CCDC169: variants seen among roughly 807,000 people sequenced by gnomAD.
CCDC169 encodes coiled-coil domain-containing protein 169.
A neutral mutation model predicts 36.0 loss-of-function variants in CCDC169; 30 were observed. The observed-to-expected ratio is 0.83, with a 90% CI of 0.62 to 1.13. The LOEUF (loss-of-function observed/expected upper bound fraction) is 1.13. CCDC169 is among the 50% of genes most tolerant of loss of function. CCDC169 has a pLI of 0.00. For synonymous variants in CCDC169, 85 were observed against 81.5 expected (o/e 1.04, Z -0.23); for missense variants, 245 against 245.9 (o/e 1.00, Z 0.03).
At chr13:36,267,993 G>A (rs771793959) in intron 4 of CCDC169, among the ~76,000 whole-genome samples, 6 of 151,962 alleles carry the variant, frequency 3.9e-5, no homozygotes, top group Non-Finnish European at 5.9e-5. Flanking sequence ...ATTACTACTA[G>A]ATCTAAGAAA....
At chr13:36,273,386 G>A (rs1306349426) in intron 4 of CCDC169, among the ~76,000 whole-genome samples, 2 of 152,046 alleles carry the variant, frequency 1.3e-5, no homozygotes, top group African/African-American at 4.8e-5. Context: ...TTTTATACAT[G>A]GGAAGAATAT....
At chr13:36,259,661 A>G (rs1174621053) in intron 4 of CCDC169, among the ~76,000 whole-genome samples, 1 of 152,174 alleles carries the variant, frequency 6.6e-6, no homozygotes, top group African/African-American at 2.4e-5. Context: ...GTTACACTCT[A>G]TGCAAATGAA....
intron 7 of CCDC169, among the ~76,000 whole-genome samples, chr13:36,246,294 C>G (rs1664989479): frequency 2.0e-5 from 3 of 152,174 alleles, no homozygotes; most frequent in Admixed American, 1.3e-4. Context: ...AACAGTTAAG[C>G]CAAGGCATAA....
intron 1 of CCDC169, among the ~76,000 whole-genome samples, chr13:36,296,887 A>T (rs1879565071): frequency 6.6e-6 from 1 of 152,222 alleles, no homozygotes; most frequent in Admixed American, 6.5e-5. Context: ...AAGATTGCAT[A>T]GTTACTGAGT....
intron 4 of CCDC169, among the ~76,000 whole-genome samples, chr13:36,255,891 C>G (rs541173482): frequency 6.6e-6 from 1 of 152,202 alleles, no homozygotes; most frequent in Admixed American, 6.5e-5. Flanking sequence ...TCCCCATTCA[C>G]TGCCAAGTCC....
intron 7 of CCDC169, among the ~76,000 whole-genome samples, chr13:36,246,308 C>A (rs1465092359): frequency 1.3e-5 from 2 of 152,142 alleles, no homozygotes; most frequent in African/African-American, 2.4e-5. Context: ...GGCATAAATG[C>A]AAAGGGAAGA....
rs927131722 is a variant in CCDC169 at position 36,273,821 on chromosome 13, C to T, written c.315+9648G>A. ...GCAGCTTCATAGCAGTTGTGGTCTT[C>T]GTGCCTTGTCCTTCGTTCTTTCTTC... is the stretch of plus-strand genomic sequence containing the variant. On this transcript the variant is annotated intron_variant, in intron 4 of 7. Transcript: ENST00000239859. Among the ~76,000 whole-genome samples, 5 of 152,162 alleles carry T rather than the reference C, an allele frequency of 3.3e-5. No homozygotes were observed. In the South Asian group the frequency reaches 8.3e-4, roughly 25 times the overall value.
At chr13:36,237,550 G>A (rs1871243510) in intron 7 of CCDC169, among the ~76,000 whole-genome samples, 2 of 152,156 alleles carry the variant, frequency 1.3e-5, no homozygotes, top group South Asian at 4.1e-4. Context: ...TTCATCAGCT[G>A]ATGATTCGGT....
At chr13:36,254,396 C>A (rs1157540624) in intron 4 of CCDC169, among the ~76,000 whole-genome samples, 1 of 151,714 alleles carries the variant, frequency 6.6e-6, no homozygotes, top group Non-Finnish European at 1.5e-5. Context: ...CTGCCTCAGG[C>A]TCCCAAGTAG....
intron 4 of CCDC169, among the ~76,000 whole-genome samples, chr13:36,267,564 C>A (rs1034001875): frequency 6.6e-6 from 1 of 152,022 alleles, no homozygotes; most frequent in Non-Finnish European, 1.5e-5. Context: ...AAAAAACTAT[C>A]TAGGTAACAA....
intron 6 of CCDC169, 40 bp downstream of exon 6, chr13:36,253,763 A>G (rs940960264): frequency 3.3e-6 from 5 of 1,526,530 alleles, no homozygotes; most frequent in African/African-American, 2.8e-5. Context: ...AATTTACAGT[A>G]AGAAGAAACA....
At chr13:36,249,906 A>G (rs528325234) in intron 6 of CCDC169, among the ~76,000 whole-genome samples, 68 of 152,274 alleles carry the variant, frequency 4.5e-4, no homozygotes, top group African/African-American at 1.6e-3. Flanking sequence ...ATATTAGATC[A>G]TTTGATATGA....
At chr13:36,281,054 G>A (rs538857952) in intron 4 of CCDC169, 37 of 307,330 alleles carry the variant, frequency 1.2e-4, no homozygotes, top group African/African-American at 5.1e-4. Flanking sequence ...AGACGTGACC[G>A]GCTTTCACCT....
At chr13:36,282,428 G>T (rs764481907) in intron 4 of CCDC169, 1 of 985,172 alleles carries the variant, frequency 1.0e-6, no homozygotes, top group South Asian at 4.7e-5. Context: ...TTAGTAATTG[G>T]ACACTTCTAT....
chr13:36,258,886 T>C (rs1003596519), intron 4 of CCDC169, among the ~76,000 whole-genome samples: 2 of 152,178 alleles, frequency 1.3e-5, no homozygotes, highest in Non-Finnish European at 2.9e-5. Context: ...GCAGTCTGGA[T>C]CGGGACCCCT....
intron 7 of CCDC169, among the ~76,000 whole-genome samples, chr13:36,235,986 A>G (rs1871028112): frequency 6.6e-6 from 1 of 152,062 alleles, no homozygotes; most frequent in Admixed American, 6.5e-5. Flanking sequence ...TAAAATATCT[A>G]TGAAAGAAAT....
rs148698159 is a variant in CCDC169 at position 36,285,813 on chromosome 13, CAA to C, written c.164-2113_164-2112del. Among the ~76,000 whole-genome samples, 776 of 152,260 alleles carry C rather than the reference CAA, an allele frequency of 5.1e-3. 6 individuals carry two copies. The highest frequency in any genetic ancestry group is 0.018 in the African/African-American group (756 of 41,552). On this transcript the variant is annotated intron_variant, in intron 2 of 7. Coordinates refer to ENST00000239859, the MANE Select transcript of CCDC169 (RefSeq NM_001144981.3). ...AAAAGACCCAAGATAGACACCAAAA[CAA>C]GACACACAGACCTTGTAACCAGCAC...
At chr13:36,263,089 T>G (rs1874799636) in intron 4 of CCDC169, among the ~76,000 whole-genome samples, 1 of 151,376 alleles carries the variant, frequency 6.6e-6, no homozygotes. Flanking sequence ...TGAAAAGGAG[T>G]AGGAGAGGGA....
chr13:36,240,776 C>T (rs955861452), intron 7 of CCDC169: 19 of 334,524 alleles, frequency 5.7e-5, no homozygotes, highest in Non-Finnish European at 1.0e-4. Context: ...TCCTTGCTTT[C>T]GGGAATATGA....
Sources: gnomAD v4.1 joint callset for allele counts (sites outside exome capture counted in the v4.1 genomes callset) on GRCh38, gnomAD v4.1.1 for gene constraint, MANE v1.5 for transcripts, NCBI Gene and HGNC (gene_info 2026-07-23, HGNC 2026-07-21) for gene names.